Variants in DYNC2H1 observed in about 807,000 individuals in gnomAD.
DYNC2H1 encodes dynein cytoplasmic 2 heavy chain 1.
DYNC2H1 carries 410 observed loss-of-function variants against 570.0 expected under a neutral mutation model. That is an observed-to-expected ratio of 0.72 (90% CI 0.66 to 0.78). The LOEUF is 0.78. DYNC2H1 is among the 30% of genes least tolerant of loss of function. The pLI, the probability that DYNC2H1 is intolerant of heterozygous loss-of-function variation, is 0.00. For missense variants in DYNC2H1, 4,865 were observed against 5,046.4 expected, an observed-to-expected ratio of 0.96 and a Z score of 1.09; for synonymous variants, 1,688 against 1,677.6, an observed-to-expected ratio of 1.01 and a Z score of -0.15.
At chr11:103,240,037 T>C (rs1487427887) in intron 63 of DYNC2H1, among the ~76,000 whole-genome samples, 1 of 152,072 alleles carries the variant, frequency 6.6e-6, no homozygotes, top group Non-Finnish European at 1.5e-5. Context: ...ATTTTTTAAG[T>C]CAAAAATCCT....
At position 103,312,101 on chromosome 11, in the gene DYNC2H1, C is replaced by A. The variant is rs138774736; in HGVS notation, c.11649+68C>A. On this transcript the variant is annotated intron_variant, in intron 79 of 88. Transcript: ENST00000375735. The stretch of plus-strand genomic sequence containing the variant: ...TTTGTATGTTAAAATATTTTTGTGG[C>A]CAGGCATGGTGGCTCATGCCTGTAA... 1.7e-5 allele frequency: 25 copies of A among 1,514,656 alleles called. No individual in the cohort carries two copies. In the African/African-American group the frequency reaches 3.0e-4, roughly 18 times the overall value. 93.8% of individuals were successfully genotyped at this position (1,514,656 alleles called of 1,614,324 possible).
chr11:103,282,099 A>G (rs1866162288), intron 71 of DYNC2H1, 80 bp from the exon 72 acceptor site: 23 of 1,305,490 alleles, frequency 1.8e-5, no homozygotes, highest in Non-Finnish European at 3.2e-6. Context: ...ATTTTAAGCC[A>G]TCTTATAAGG....
At chr11:103,111,399 T>C (rs913229857) in intron 1 of DYNC2H1, among the ~76,000 whole-genome samples, 6 of 152,232 alleles carry the variant, frequency 3.9e-5, no homozygotes, top group Non-Finnish European at 8.8e-5. Flanking sequence ...GGAACTATTC[T>C]TTTTCTTATT....
chr11:103,293,528 ATCT>A (rs1433305753), intron 75 of DYNC2H1, among the ~76,000 whole-genome samples: 1 of 152,064 alleles, frequency 6.6e-6, no homozygotes, highest in Non-Finnish European at 1.5e-5. Flanking sequence ...CTTTCTTTAC[ATCT>A]TCTTCAAGGC....
intron 63 of DYNC2H1, 63 bp downstream of exon 63, chr11:103,236,602 TG>T: frequency 1.1e-6 from 1 of 914,376 alleles, no homozygotes; most frequent in Non-Finnish European, 1.7e-6. Context: ...CTGTAGAAAT[TG>T]TGTTCTTCGT....
chr11:103,342,485 C>G (rs1415344609), intron 82 of DYNC2H1, among the ~76,000 whole-genome samples: 2 of 151,582 alleles, frequency 1.3e-5, no homozygotes, highest in Non-Finnish European at 2.9e-5. Flanking sequence ...CTTGCTGCAG[C>G]TCACTCTTTG....
intron 44 of DYNC2H1, 147 bp downstream of exon 44, chr11:103,188,795 A>G (rs1417647761): frequency 1.7e-6 from 1 of 578,558 alleles, no homozygotes; most frequent in Non-Finnish European, 2.6e-6. Flanking sequence ...TACCCTTCTC[A>G]AAATATAGGC....
At chr11:103,240,547 A>G (rs1033447719) in intron 63 of DYNC2H1, among the ~76,000 whole-genome samples, 1 of 152,150 alleles carries the variant, frequency 6.6e-6, no homozygotes, top group African/African-American at 2.4e-5. Context: ...CCTGAACGTC[A>G]TTCTTACTAT....
Position 103,252,848 on chromosome 11 carries a change from CTG to C in DYNC2H1, c.10043-435_10043-434del, listed in dbSNP as rs1170865589. Among the ~76,000 whole-genome samples the C allele has an allele frequency of 6.6e-6, 1 of 152,052 alleles. No individual in the cohort carries two copies. Among genetic ancestry groups the C allele is most frequent in the Admixed American group, 6.6e-5 (1 of 15,248 alleles). On this transcript the variant is annotated intron_variant, in intron 65 of 88. Coordinates refer to ENST00000375735, the MANE Select transcript of DYNC2H1 (RefSeq NM_001377.3). This position sits in a 1 kb window ranked among gnomAD's most constrained non-coding sequence, Gnocchi z 4.6. ...ATTTTTCAGTTACTCATGTGATAAT[CTG>C]TTTTTTTAACCATCATTCTGTTTTC...
chr11:103,348,336 T>C (rs911705684), intron 82 of DYNC2H1, among the ~76,000 whole-genome samples: 6 of 152,188 alleles, frequency 3.9e-5, no homozygotes, highest in Non-Finnish European at 4.4e-5. Flanking sequence ...AGCACATATT[T>C]AGTGTGTATA....
At chr11:103,343,045 G>C (rs1019142948) in intron 82 of DYNC2H1, among the ~76,000 whole-genome samples, 1 of 152,136 alleles carries the variant, frequency 6.6e-6, no homozygotes, top group African/African-American at 2.4e-5. Flanking sequence ...CTAAAGACAT[G>C]GGTATCAGGC....
intron 85 of DYNC2H1, among the ~76,000 whole-genome samples, chr11:103,453,240 A>C (rs1591779628): frequency 6.6e-6 from 1 of 152,038 alleles, no homozygotes; most frequent in Non-Finnish European, 1.5e-5. Flanking sequence ...TTTATGAAAA[A>C]TATTTGCCAG....
At position 103,170,088 on chromosome 11, in the gene DYNC2H1, T is replaced by C; in HGVS notation, c.4969-20T>C. On this transcript the variant is annotated intron_variant, in intron 32 of 88. Transcript: ENST00000375735. This position sits in a 1 kb window ranked among gnomAD's most constrained non-coding sequence, Gnocchi z 4.8. ...TTGAATAGAACATGAATACTCTGAC[T>C]TTGTGTTGTTCTTGTATAGGGTAAT... The C allele has an allele frequency of 6.3e-7, 1 of 1,581,710 alleles. No homozygotes were observed. The highest frequency in any genetic ancestry group is 1.4e-5 in the African/African-American group (1 of 73,748).
rs1329413988 is a variant in DYNC2H1, at chr11:103,174,124, T to C, written c.5628T>C (p.Ser1876=). ...CTTTGAAGACAGTTCTGAGAGGAAG[T>C]GGAAATCTCCTTAGACAGCTAAACA... ...LRALKTVLRG[S]GNLLRQLNKS... The change falls in exon 36 of 89, where the codon AGT becomes AGC. Residue 1876 remains serine, a synonymous_variant. Transcript: ENST00000375735. 1 of 1,589,366 alleles carries C rather than the reference T, an allele frequency of 6.3e-7. No individual in the cohort carries two copies. The highest frequency in any genetic ancestry group is 1.8e-5 in the Admixed American group (1 of 56,942).
intron 12 of DYNC2H1, among the ~76,000 whole-genome samples, chr11:103,127,960 G>A (rs551168061): frequency 3.9e-5 from 6 of 152,262 alleles, no homozygotes; most frequent in Admixed American, 6.5e-5. Flanking sequence ...CATACTGACC[G>A]GTCAGGTTAG....
chr11:103,155,519 A>G lies in DYNC2H1; in HGVS notation c.3744+18A>G, dbSNP rs756084862. 1 of 1,595,410 alleles carries G rather than the reference A, an allele frequency of 6.3e-7. No homozygotes were observed. Among genetic ancestry groups the G allele is most frequent in the Non-Finnish European group, 8.5e-7 (1 of 1,173,626 alleles). On this transcript the variant is annotated intron_variant, in intron 25 of 88. Transcript: ENST00000375735. ...ACCTTAAAGTATGAATCACTTTTAT[A>G]AATATCCCATAAGTCTGGCCTTTTT...
At position 103,154,684 on chromosome 11, in the gene DYNC2H1, G is replaced by C. The variant is rs775443483; in HGVS notation, c.3459-11G>C. On this transcript the variant is annotated splice_polypyrimidine_tract_variant and intron_variant, in intron 23 of 88. Coordinates refer to ENST00000375735, the MANE Select transcript of DYNC2H1 (RefSeq NM_001377.3). The stretch of plus-strand genomic sequence containing the variant: ...ATGTAATCTTTGCAATGTGTTTTTG[G>C]TATTTTATAGGACTAAGACATACCT... 6.4e-7 allele frequency: 1 copy of C among 1,564,568 alleles called. No homozygotes were observed. Among genetic ancestry groups the C allele is most frequent in the Non-Finnish European group, 8.7e-7 (1 of 1,155,650 alleles).
chr11:103,230,570 T>C (rs1863967013), intron 59 of DYNC2H1, among the ~76,000 whole-genome samples: 1 of 152,226 alleles, frequency 6.6e-6, no homozygotes. Context: ...TCCAACTCTT[T>C]GTAATATCAA....
chr11:103,113,651 C>CCA lies in DYNC2H1; in HGVS notation c.311_312insAC (p.Ile105LeufsTer18). On this transcript the variant is annotated frameshift_variant, in exon 2 of 89. Transcript: ENST00000375735. LOFTEE classifies it high-confidence loss of function. ...TCTTGTTTCATCTATGTTAGAGTCA[C>CCA]CTATTAGTTCTCTTTACCAAGCAGT... 1 of 1,570,642 alleles carries CCA rather than the reference C, an allele frequency of 6.4e-7. No individual in the cohort carries two copies. Among genetic ancestry groups the CCA allele is most frequent in the Non-Finnish European group, 8.6e-7 (1 of 1,164,950 alleles).
Sources: gnomAD v4.1 joint callset for allele counts (sites outside exome capture counted in the v4.1 genomes callset) on GRCh38, gnomAD v4.1.1 for gene constraint, Gnocchi (gnomAD v3.1) non-coding constraint, MANE v1.5 for transcripts, NCBI Gene and HGNC (gene_info 2026-07-23, HGNC 2026-07-21) for gene names.